Variants in BCAR1 observed in about 807,000 individuals in gnomAD.
BCAR1 encodes breast cancer anti-estrogen resistance protein 1.
In BCAR1, 30 loss-of-function variants were observed where a neutral mutation model predicts 67.6. The ratio of observed to expected loss-of-function variants is 0.44; its 90% CI spans 0.33 to 0.60. The LOEUF is 0.60. BCAR1 is among the 20% of genes least tolerant of loss of function. BCAR1 has a pLI of 0.02. For synonymous variants in BCAR1, 626 were observed against 556.7 expected, an observed-to-expected ratio of 1.12 and a Z score of -1.75; for missense variants, 1,313 against 1,222.3, an observed-to-expected ratio of 1.07 and a Z score of -1.11.
At chr16:75,234,546 G>A (rs2077030912) in intron 5 of BCAR1, among the ~76,000 whole-genome samples, 1 of 152,200 alleles carries the variant, frequency 6.6e-6, no homozygotes. Flanking sequence ...CCAGGGGCCA[G>A]CCTGGGAGGA....
At chr16:75,250,067 C>A (rs897808943) in intron 1 of BCAR1, 1 of 152,396 alleles carries the variant, frequency 6.6e-6, no homozygotes, top group African/African-American at 2.4e-5. Flanking sequence ...CATCCCTCGC[C>A]TAGACCTGGG....
intron 1 of BCAR1, among the ~76,000 whole-genome samples, chr16:75,258,340 T>G (rs1391698826): frequency 6.6e-6 from 1 of 152,220 alleles, no homozygotes; most frequent in African/African-American, 2.4e-5. Flanking sequence ...CCGCCAACAC[T>G]GGAGGCAGGC....
At chr16:75,232,362 G>T (rs2151392102) in intron 6 of BCAR1, among the ~76,000 whole-genome samples, 1 of 152,228 alleles carries the variant, frequency 6.6e-6, no homozygotes. Flanking sequence ...GTTTTGCCAT[G>T]TTGACCAGGC....
chr16:75,239,153 C>T (rs1427468648), intron 2 of BCAR1: 5 of 970,684 alleles, frequency 5.2e-6, no homozygotes, highest in Non-Finnish European at 6.1e-6. Context: ...GGGAAAAGCT[C>T]TTTAGGGGAA....
intron 1 of BCAR1, chr16:75,263,430 G>A: frequency 8.1e-6 from 8 of 985,376 alleles, no homozygotes; most frequent in Non-Finnish European, 9.6e-6. Context: ...GGGTGTCCAG[G>A]CAGCACACGA....
chr16:75,238,578 C>T (rs1282082853), intron 2 of BCAR1: 2 of 988,602 alleles, frequency 2.0e-6, no homozygotes, highest in Non-Finnish European at 2.4e-6. Flanking sequence ...CCCCCAGCAG[C>T]CGCAGGCCTG....
In BCAR1 at chr16:75,229,442, CTT is replaced by C; in HGVS notation, c.*67_*68del. The C allele has an allele frequency of 1.4e-6, 2 of 1,452,618 alleles. No homozygotes were observed. The highest frequency in any genetic ancestry group is 1.8e-6 in the Non-Finnish European group (2 of 1,103,806). 90.0% of individuals were successfully genotyped at this position (1,452,618 alleles called of 1,614,324 possible). On this transcript the variant is annotated 3_prime_UTR_variant, in exon 7 of 7. Coordinates refer to ENST00000162330, the MANE Select transcript of BCAR1 (RefSeq NM_014567.5). ...TCCCTAAGCCTGTGGCACAGCGACT[CTT>C]GACATGGGAGCCAGGGAGCTGGGAC... is the stretch of plus-strand genomic sequence containing the variant.
chr16:75,242,010 A>G (rs114411353), intron 2 of BCAR1, among the ~76,000 whole-genome samples: 2,163 of 152,236 alleles, frequency 0.014, 47 homozygotes, highest in African/African-American at 0.049. Context: ...AGCATGTTCC[A>G]TAAGTGGAGA....
chr16:75,235,774 G>T lies in BCAR1; in HGVS notation c.1125C>A (p.Pro375=). 1 of 1,593,454 alleles carries T rather than the reference G, an allele frequency of 6.3e-7. No homozygotes were observed. Among genetic ancestry groups the T allele is most frequent in the Admixed American group, 1.7e-5 (1 of 58,558 alleles). The part of the protein sequence containing the change: ...PPPAPDLYDV[P]PGLRRPGPGT... The stretch of plus-strand genomic sequence containing the variant: ...CCGGGCCAGGCCGCCGCAAGCCAGG[G>T]GGCACGTCGTAGAGGTCAGGAGCCG... The change falls in exon 5 of 7, where the codon CCC becomes CCA. Residue 375 remains proline (P), a synonymous_variant. Transcript: ENST00000162330.
intron 1 of BCAR1, among the ~76,000 whole-genome samples, chr16:75,244,265 GCCAGTAGCTGTGTGACCATCC>G (rs1283193274): frequency 1.3e-5 from 2 of 152,252 alleles, no homozygotes; most frequent in African/African-American, 4.8e-5. Flanking sequence ...GTTCTGGCCA[GCCAGTAGCTGTGTGACCATCC>G]CCACTTGGGC....
chr16:75,238,248 T>G, intron 2 of BCAR1: 1 of 1,173,086 alleles, frequency 8.5e-7, no homozygotes, highest in African/African-American at 1.6e-5. Context: ...CTCCCTGCCT[T>G]GGGGAGGTCA....
At chr16:75,254,169 G>A (rs767591714), upstream of BCAR1, among the ~76,000 whole-genome samples, 2 of 152,042 alleles carry the variant, frequency 1.3e-5, no homozygotes, top group East Asian at 3.8e-4. Context: ...CACACATTTC[G>A]GGGCACAGAA....
At chr16:75,264,637 A>T (rs1567627870) in intron 1 of BCAR1, 10 of 1,263,894 alleles carry the variant, frequency 7.9e-6, no homozygotes, top group Non-Finnish European at 9.9e-6. Flanking sequence ...GGCGAGCAGG[A>T]GCGGGCTCTT....
intron 1 of BCAR1, chr16:75,263,896 C>T: frequency 1.9e-6 from 2 of 1,039,454 alleles, no homozygotes; most frequent in Non-Finnish European, 2.3e-6. Context: ...AAAATGAATT[C>T]TCCTCTTGGC....
chr16:75,232,145 G>A (rs1168657316), intron 6 of BCAR1, among the ~76,000 whole-genome samples: 1 of 150,252 alleles, frequency 6.7e-6, no homozygotes, highest in East Asian at 2.0e-4. Flanking sequence ...CGGCACCCAG[G>A]AGGTTTTTAA....
At chr16:75,231,850 G>T (rs2076911524) in intron 6 of BCAR1, among the ~76,000 whole-genome samples, 1 of 152,246 alleles carries the variant, frequency 6.6e-6, no homozygotes, top group African/African-American at 2.4e-5. Flanking sequence ...TCTCTAGACA[G>T]AGATATAGAC....
chr16:75,250,754 C>T, intron 1 of BCAR1: 1 of 985,574 alleles, frequency 1.0e-6, no homozygotes, highest in Non-Finnish European at 1.2e-6. Flanking sequence ...CCATGGACTC[C>T]AAAGCCTTCA....
At chr16:75,248,433 A>G (rs2077584973) in intron 1 of BCAR1, 1 of 1,014,984 alleles carries the variant, frequency 9.9e-7, no homozygotes, top group Non-Finnish European at 1.2e-6. Context: ...TGCAGGCCCA[A>G]TAAGCATGCG....
At chr16:75,265,806 C>G in intron 1 of BCAR1, 7 of 1,194,928 alleles carry the variant, frequency 5.9e-6, no homozygotes, top group South Asian at 4.2e-5. Flanking sequence ...CCCGGGGTCC[C>G]GGGCGGCGCG....
Sources: allele counts gnomAD v4.1 joint callset (sites outside exome capture counted in the v4.1 genomes callset), GRCh38; gene constraint gnomAD v4.1.1; transcripts MANE v1.5; gene names NCBI Gene and HGNC (gene_info 2026-07-23, HGNC 2026-07-21).